The following SYNE3 variants were observed in gnomAD, a reference collection of about 807,000 sequenced individuals.
The protein encoded by SYNE3 is nesprin-3.
In SYNE3, 100 loss-of-function variants were observed where a neutral mutation model predicts 111.2. The observed-to-expected ratio is 0.90, with a 90% CI of 0.77 to 1.06. The LOEUF is 1.06. Ranked by LOEUF, SYNE3 falls within the 50% of genes least tolerant of loss-of-function variation. The pLI is 0.00. For synonymous variants in SYNE3, 547 were observed against 533.9 expected (o/e 1.02, Z -0.34); for missense variants, 1,160 against 1,240.3 (o/e 0.94, Z 0.97).
At chr14:95,436,672 C>A in intron 15 of SYNE3, 148 bp downstream of exon 15, 1 of 917,568 alleles carries the variant, frequency 1.1e-6, no homozygotes, top group Non-Finnish European at 1.6e-6. Flanking sequence ...AATCTTTGAA[C>A]CAAAAAAGTT....
chr14:95,448,359 C>A (rs1235719094), intron 8 of SYNE3, among the ~76,000 whole-genome samples: 1 of 152,150 alleles, frequency 6.6e-6, no homozygotes, highest in African/African-American at 2.4e-5. Context: ...GCCCACTGGA[C>A]CCTTGGAAAG....
At chr14:95,469,469 AGAATT>A (rs1001528493) in intron 2 of SYNE3, among the ~76,000 whole-genome samples, 6 of 150,302 alleles carry the variant, frequency 4.0e-5, no homozygotes, top group African/African-American at 1.5e-4. Context: ...CTGAGGCAGG[AGAATT>A]GCTCGAGCTT....
At chr14:95,438,901 G>T in intron 14 of SYNE3, 132 bp downstream of exon 14, 2 of 1,273,424 alleles carry the variant, frequency 1.6e-6, no homozygotes, top group Non-Finnish European at 2.2e-6. Flanking sequence ...GCTCAAATGA[G>T]ACAGGACGTG....
At chr14:95,418,596 TTTTC>T (rs1419117643) in intron 17 of SYNE3, among the ~76,000 whole-genome samples, 3 of 152,044 alleles carry the variant, frequency 2.0e-5, no homozygotes, top group East Asian at 1.9e-4. Flanking sequence ...CCCCTCTTCC[TTTTC>T]TTTCTTTCTT....
At chr14:95,487,055 G>C (rs537865142) in intron 1 of SYNE3, among the ~76,000 whole-genome samples, 48 of 152,268 alleles carry the variant, frequency 3.2e-4, no homozygotes, top group Non-Finnish European at 5.6e-4. Flanking sequence ...GTTCTGCCTG[G>C]AGAGTCCTTC....
chr14:95,501,346 T>C (rs1167959407), intron 1 of SYNE3, among the ~76,000 whole-genome samples: 1 of 152,218 alleles, frequency 6.6e-6, no homozygotes, highest in African/African-American at 2.4e-5. Flanking sequence ...GACTCCTACC[T>C]GACTGCCCAG....
intron 17 of SYNE3, among the ~76,000 whole-genome samples, chr14:95,429,489 A>G (rs1343661568): frequency 2.0e-5 from 3 of 152,138 alleles, no homozygotes; most frequent in African/African-American, 7.2e-5. Context: ...AAACTGATGA[A>G]TCGAAAACTC....
intron 4 of SYNE3, among the ~76,000 whole-genome samples, chr14:95,463,654 G>T (rs61729697): frequency 6.6e-6 from 1 of 152,226 alleles, no homozygotes; most frequent in Non-Finnish European, 1.5e-5. Context: ...GGCAGGGCTG[G>T]ATGAGGGCCA....
At position 95,417,735 on chromosome 14, in the gene SYNE3, C is replaced by T. The variant is rs575011875; in HGVS notation, c.*91G>A. 8.3e-5 allele frequency: 115 copies of T among 1,393,208 alleles called. No individual in the cohort carries two copies. In the African/African-American group the frequency reaches 1.5e-3, roughly 18 times the overall value. The allele number at this position is 1,393,208 out of a possible 1,614,324, so 86.3% of individuals were successfully genotyped here. The stretch of plus-strand genomic sequence containing the variant: ...GCAGCTCTGCAGTCTTTGCCCTGCC[C>T]CTGTTTCCAGTTTCCCTGGCGAGCA... On this transcript the variant is annotated 3_prime_UTR_variant, in exon 18 of 18. Transcript: ENST00000682763.
At position 95,455,594 on chromosome 14, in the gene SYNE3, T is replaced by C. The variant is rs945751243; in HGVS notation, c.920A>G (p.Lys307Arg). ...GAGGGCGCGCAGCTTCTCCAGAACT[T>C]TCCTCATCTCTTCCAGTTCTCCGGT... The part of the protein sequence containing the change: ...KITGELEEMR[K>R]VLEKLRALWE... The change falls in exon 6 of 18, where the codon AAA (lysine) becomes AGA (arginine). Residue 307 changes from lysine (K) to arginine (R), a missense_variant. Physicochemically the swap from Lys to Arg is conservative, Grantham distance 26. Coordinates refer to ENST00000682763, the MANE Select transcript of SYNE3 (RefSeq NM_152592.6). 2.5e-6 allele frequency: 4 copies of C among 1,614,000 alleles called. No homozygotes were observed. In the African/African-American group the frequency reaches 5.3e-5, roughly 22 times the overall value.
At chr14:95,444,286 A>G (rs976782380) in intron 10 of SYNE3, 199 bp downstream of exon 10, 26 of 624,504 alleles carry the variant, frequency 4.2e-5, no homozygotes, top group Non-Finnish European at 6.7e-5. Context: ...TGAGCTCAAG[A>G]CTCAGTTGTT....
At chr14:95,457,536 G>A (rs1887544576) in intron 4 of SYNE3, among the ~76,000 whole-genome samples, 198 bp from the exon 5 acceptor site, 1 of 152,178 alleles carries the variant, frequency 6.6e-6, no homozygotes, top group African/African-American at 2.4e-5. Context: ...TATGCCAAGA[G>A]AGTTGGCTTT....
Position 95,475,805 on chromosome 14 carries a change from TG to T in SYNE3, c.16del (p.Gln6ArgfsTer15). On this transcript the variant is annotated frameshift_variant, in exon 2 of 18. Coordinates refer to ENST00000682763, the MANE Select transcript of SYNE3 (RefSeq NM_152592.6). LOFTEE classifies it high-confidence loss of function. MTQQP[Q>X]DDFDRSVEDA... ...CTCCACGCTCCTGTCAAAGTCGTCC[TG>T]GGGCTGCTGAGTCATGGCACCTGCA... 6.4e-7 allele frequency: 1 copy of T among 1,570,516 alleles called. No individual in the cohort carries two copies. The highest frequency in any genetic ancestry group is 8.6e-7 in the Non-Finnish European group (1 of 1,160,964).
At chr14:95,514,769 G>T (rs1890853022) in intron 1 of SYNE3, among the ~76,000 whole-genome samples, 1 of 152,240 alleles carries the variant, frequency 6.6e-6, no homozygotes, top group South Asian at 2.1e-4. Flanking sequence ...AATGCGGGAA[G>T]CCTAGCTGCC....
chr14:95,409,213 G>T lies in SYNE3; in HGVS notation c.*8613C>A, dbSNP rs771110001. The T allele has an allele frequency of 8.8e-6, 4 of 456,554 alleles. No homozygotes were observed. In the Admixed American group the frequency reaches 9.4e-5, roughly 11 times the overall value. 28.3% of individuals were successfully genotyped at this position (456,554 alleles called of 1,614,324 possible). A position where few individuals can be genotyped will look rare whatever the true frequency, so the allele number is the denominator to read the frequency against. On this transcript the variant is annotated 3_prime_UTR_variant, in exon 18 of 18. Transcript: ENST00000682763. Reference sequence around the variant, plus strand: ...ACAAGTCCCAAATTTACCACTCCCCGCCTAGCTGGCTGCTCTGAGGCAGGC... The same window carrying T: ...ACAAGTCCCAAATTTACCACTCCCCTCCTAGCTGGCTGCTCTGAGGCAGGC...
At chr14:95,440,837 T>C (rs1252572264) in intron 11 of SYNE3, among the ~76,000 whole-genome samples, 1 of 152,198 alleles carries the variant, frequency 6.6e-6, no homozygotes, top group East Asian at 1.9e-4. Flanking sequence ...TAATATTCTG[T>C]GTTTTAGTTG....
At chr14:95,497,252 T>C (rs1213090763) in intron 1 of SYNE3, among the ~76,000 whole-genome samples, 1 of 152,204 alleles carries the variant, frequency 6.6e-6, no homozygotes, top group African/African-American at 2.4e-5. Context: ...AGCTATGTGG[T>C]CTTAGCCCAG....
chr14:95,459,519 C>A (rs1887661928), intron 4 of SYNE3, among the ~76,000 whole-genome samples: 1 of 152,166 alleles, frequency 6.6e-6, no homozygotes, highest in Non-Finnish European at 1.5e-5. Context: ...AGCTGGCTGA[C>A]CTCAGCTCTT....
Position 95,457,353 on chromosome 14 carries a change from G to A in SYNE3, c.628-15C>T, listed in dbSNP as rs756581847. The A allele has an allele frequency of 3.1e-6, 5 of 1,611,560 alleles. No homozygotes were observed. The highest frequency in any genetic ancestry group is 1.3e-5 in the African/African-American group (1 of 74,886). On this transcript the variant is annotated splice_polypyrimidine_tract_variant and intron_variant, in intron 4 of 17. Coordinates refer to ENST00000682763, the MANE Select transcript of SYNE3 (RefSeq NM_152592.6). Reference sequence around the variant, plus strand: ...TCTACACGCTTCTGTGGGAGGAGGAGAATCACCAGCCATGAGGGTCCCCAG... The same window carrying A: ...TCTACACGCTTCTGTGGGAGGAGGAAAATCACCAGCCATGAGGGTCCCCAG...
Sources: allele counts gnomAD v4.1 joint callset (sites outside exome capture counted in the v4.1 genomes callset), GRCh38; gene constraint gnomAD v4.1.1; transcripts MANE v1.5; gene names NCBI Gene and HGNC (gene_info 2026-07-23, HGNC 2026-07-21).